ZNF469: variants seen among roughly 807,000 people sequenced by gnomAD.
The protein encoded by ZNF469 is zinc finger protein 469.
A neutral mutation model predicts 1.0 loss-of-function variants in ZNF469; 1 was observed. The ratio of observed to expected loss-of-function variants is 1.00; its 90% confidence interval spans 0.35 to 4.73. The LOEUF is 4.73. Ranked by LOEUF, ZNF469 falls within the 30% of genes most tolerant of loss-of-function variation. The pLI, the probability that ZNF469 is intolerant of heterozygous loss-of-function variation, is 0.16. For missense variants in ZNF469, 6,100 were observed against 5,356.3 expected (o/e 1.14, Z -4.33); for synonymous variants, 2,703 against 2,363.4 (o/e 1.14, Z -4.17).
At position 88,434,374 on chromosome 16, in the gene ZNF469, G is replaced by A. The variant is rs1906418138; in HGVS notation, c.6904G>A (p.Gly2302Arg). 6.5e-7 allele frequency: 1 copy of A among 1,549,856 alleles called. No individual in the cohort carries two copies. Among genetic ancestry groups the A allele is most frequent in the South Asian group, 1.2e-5 (1 of 84,052 alleles). The change falls in exon 3 of 3, where the codon GGA (glycine) becomes AGA (arginine). Residue 2302 changes from glycine (G) to arginine (R), a missense_variant. Physicochemically the swap from Gly to Arg is moderately radical, Grantham distance 125. Coordinates refer to ENST00000565624, the MANE Select transcript of ZNF469 (RefSeq NM_001367624.2). Reference sequence around the variant, plus strand: ...CGGAGATGAGGCACAGGCAGGCAGGGGACTCCCAGGGCCAGACCCCCAGAG... The same window carrying A: ...CGGAGATGAGGCACAGGCAGGCAGGAGACTCCCAGGGCCAGACCCCCAGAG... ...PTGDEAQAGR[G>R]LPGPDPQSRG...
the ZNF469 span, among the ~76,000 whole-genome samples, chr16:88,125,361 G>A: frequency 6.6e-6 from 1 of 152,148 alleles, no homozygotes; most frequent in Admixed American, 6.5e-5. Context: ...AGAAGAATTG[G>A]TACCAATCCT....
chr16:88,116,121 C>T, the ZNF469 span, among the ~76,000 whole-genome samples: 21 of 152,174 alleles, frequency 1.4e-4, no homozygotes, highest in Non-Finnish European at 2.8e-4. Flanking sequence ...AGAGAACTCT[C>T]AAAACTCAAC....
At chr16:88,279,212 G>C in the ZNF469 span, among the ~76,000 whole-genome samples, 1 of 135,962 alleles carries the variant, frequency 7.4e-6, no homozygotes, top group African/African-American at 2.6e-5. Context: ...CACTCGGTCA[G>C]TACCTTGTAG....
In ZNF469 at chr16:88,436,240, G is replaced by T. The variant is rs1182974193; in HGVS notation, c.8770G>T (p.Asp2924Tyr). 3 of 1,549,524 alleles carry T rather than the reference G, an allele frequency of 1.9e-6. No homozygotes were observed. The highest frequency in any genetic ancestry group is 2.6e-6 in the Non-Finnish European group (3 of 1,146,874). ...DSSSLCLCHE[D>Y]PWEDEDPAGL... is the part of the protein sequence containing the mutation. ...CAGCTCCCTCTGCCTCTGCCATGAG[G>T]ACCCGTGGGAGGACGAGGATCCCGC... is the stretch of plus-strand genomic sequence containing the variant. The change falls in exon 3 of 3, where the codon GAC (aspartate) becomes TAC (tyrosine). Residue 2924 changes from aspartate (D) to tyrosine (Y), a missense_variant. Asp to Tyr is a radical substitution (Grantham distance 160). Transcript: ENST00000565624.
At chr16:88,195,552 G>A in the ZNF469 span, among the ~76,000 whole-genome samples, 1 of 152,228 alleles carries the variant, frequency 6.6e-6, no homozygotes, top group Non-Finnish European at 1.5e-5. Flanking sequence ...CAAGGTTGCA[G>A]AGTTGATTCT....
the ZNF469 span, among the ~76,000 whole-genome samples, chr16:88,120,890 C>T: frequency 2.2e-4 from 34 of 152,276 alleles, no homozygotes; most frequent in South Asian, 5.2e-3. Context: ...TGACCTCACC[C>T]GAGGGTGGGA....
chr16:88,435,951 C>G lies in ZNF469; in HGVS notation c.8481C>G (p.Thr2827=), dbSNP rs1002585962. ...CLQGLPDNPD[T]QGGVQGPEGP... is the part of the protein sequence containing the mutation. Reference sequence around the variant, plus strand: ...AGGGCCTCCCGGACAACCCAGACACCCAGGGTGGAGTCCAGGGGCCTGAAG... The same window carrying G: ...AGGGCCTCCCGGACAACCCAGACACGCAGGGTGGAGTCCAGGGGCCTGAAG... Residue 2827 remains threonine, a synonymous_variant, in exon 3 of 3, where the codon ACC becomes ACG. Transcript: ENST00000565624. The G allele has an allele frequency of 6.5e-7, 1 of 1,550,156 alleles. No homozygotes were observed. Among genetic ancestry groups the G allele is most frequent in the Non-Finnish European group, 8.7e-7 (1 of 1,146,980 alleles).
the ZNF469 span, among the ~76,000 whole-genome samples, chr16:88,350,643 G>A: frequency 9.8e-5 from 15 of 152,344 alleles, no homozygotes; most frequent in Middle Eastern, 3.4e-3. Flanking sequence ...AAAGGGGGAC[G>A]TTCAGGACGC....
chr16:88,372,889 C>T, the ZNF469 span, among the ~76,000 whole-genome samples: 1 of 152,100 alleles, frequency 6.6e-6, no homozygotes, highest in Non-Finnish European at 1.5e-5. Flanking sequence ...CCATCATCAC[C>T]ACCACTACCA....
chr16:88,151,606 C>T, the ZNF469 span, among the ~76,000 whole-genome samples: 1 of 152,250 alleles, frequency 6.6e-6, no homozygotes, highest in Non-Finnish European at 1.5e-5. The surrounding 1 kb of genome is among the most constrained non-coding windows in gnomAD (Gnocchi z 5.4). Context: ...ACCACTGCTT[C>T]TAGTGTCTTC....
rs563480285 is a variant in ZNF469, at chr16:88,427,962, G to A, written c.492G>A (p.Pro164=). The A allele has an allele frequency of 6.8e-5, 106 of 1,549,948 alleles. No individual in the cohort carries two copies. In the South Asian group the frequency reaches 8.4e-4, roughly 12 times the overall value. The stretch of plus-strand genomic sequence containing the variant: ...CTGGGACTGGAGCTCCACTCAGGCC[G>A]GGCCTCCCAAGGACTGAGGCCCAAC... ...QGPGTGAPLR[P]GLPRTEAQPA... The change falls in exon 3 of 3, where the codon CCG becomes CCA. Residue 164 remains proline, a synonymous_variant. Coordinates refer to ENST00000565624, the MANE Select transcript of ZNF469 (RefSeq NM_001367624.2).
the ZNF469 span, among the ~76,000 whole-genome samples, chr16:88,180,116 C>G: frequency 1.2e-5 from 1 of 80,146 alleles, no homozygotes; most frequent in South Asian, 3.4e-4. Context: ...AATAAATTGG[C>G]TTTCACTTTA....
chr16:88,192,748 ACAG>A, the ZNF469 span, among the ~76,000 whole-genome samples: 94 of 151,694 alleles, frequency 6.2e-4, 1 homozygote, highest in African/African-American at 9.7e-4. Context: ...GGTGGTGGTG[ACAG>A]TGGTGATGAT....
the ZNF469 span, among the ~76,000 whole-genome samples, chr16:88,173,112 G>A: frequency 6.6e-6 from 1 of 152,162 alleles, no homozygotes; most frequent in Non-Finnish European, 1.5e-5. Context: ...ACAGATCTAA[G>A]AAGCTTGATA....
the ZNF469 span, among the ~76,000 whole-genome samples, chr16:88,343,602 G>C: frequency 6.6e-6 from 1 of 152,266 alleles, no homozygotes; most frequent in Non-Finnish European, 1.5e-5. Flanking sequence ...CCTCTGCTAA[G>C]GGCCTTCTTG....
rs1906771803 is a variant in ZNF469, at chr16:88,438,559, G to A, written c.11089G>A (p.Val3697Met). The A allele has an allele frequency of 6.5e-7, 1 of 1,550,056 alleles. No homozygotes were observed. Among genetic ancestry groups the A allele is most frequent in the Non-Finnish European group, 8.7e-7 (1 of 1,146,968 alleles). The change falls in exon 3 of 3, where the codon GTG becomes ATG. Residue 3697 changes from valine to methionine, a missense_variant. Val to Met is a conservative substitution (Grantham distance 21). Transcript: ENST00000565624. ...STPSKALKFP[V>M]HPRKAVGSLA... ...CCCCAGCAAAGCACTCAAGTTCCCA[G>A]TGCACCCAAGGAAGGCGGTGGGGAG...
the ZNF469 span, among the ~76,000 whole-genome samples, chr16:88,119,943 G>A: frequency 9.1e-3 from 1,393 of 152,292 alleles, 24 homozygotes; most frequent in African/African-American, 0.031. Context: ...GTCCTGGCCC[G>A]TGGGGTCCTG....
chr16:88,311,852 C>G, the ZNF469 span, among the ~76,000 whole-genome samples: 7 of 151,988 alleles, frequency 4.6e-5, no homozygotes, highest in Non-Finnish European at 8.8e-5. Flanking sequence ...GTTCCTGAAG[C>G]TGCGTGCTTT....
At chr16:88,178,893 TTCACCTGGAGGCCGCC>T in the ZNF469 span, 1 of 152,548 alleles carries the variant, frequency 6.6e-6, no homozygotes, top group Non-Finnish European at 1.5e-5. Context: ...GCCCACCACC[TTCACCTGGAGGCCGCC>T]CTTGCTCTTT....
Sources: gnomAD v4.1 joint callset for allele counts (sites outside exome capture counted in the v4.1 genomes callset) on GRCh38, gnomAD v4.1.1 for gene constraint, Gnocchi (gnomAD v3.1) non-coding constraint, MANE v1.5 for transcripts, NCBI Gene and HGNC (gene_info 2026-07-23, HGNC 2026-07-21) for gene names.